The following KIAA0753 variants were observed in gnomAD, a reference collection of about 807,000 sequenced individuals.
The protein encoded by KIAA0753 is protein moonraker.
In KIAA0753, 114 loss-of-function variants were observed where a neutral mutation model predicts 116.9. The observed-to-expected ratio is 0.98, with a 90% CI of 0.84 to 1.14. The LOEUF is 1.14. Ranked by LOEUF, KIAA0753 falls within the 50% of genes most tolerant of loss-of-function variation. The pLI is 0.00. For synonymous variants in KIAA0753, 405 were observed against 413.1 expected (o/e 0.98, Z 0.24); for missense variants, 1,156 against 1,172.4 (o/e 0.99, Z 0.20).
intron 7 of KIAA0753, 22 bp from the exon 8 acceptor site, chr17:6,612,170 A>C (rs1244384003): frequency 3.9e-6 from 6 of 1,546,688 alleles, no homozygotes; most frequent in Non-Finnish European, 3.6e-6. Context: ...TTTTTGAAAA[A>C]CAAACTGAGG....
rs1356508056 is a variant in KIAA0753 at position 6,578,654 on chromosome 17, G to T, written c.*1093C>A. ...TAAAGAGTTCCCTTATTCCCTGGGG[G>T]CGTCTCAGGCATTCTTTCTGCATGT... On this transcript the variant is annotated 3_prime_UTR_variant, in exon 19 of 19. Transcript: ENST00000361413. 1 of 152,220 alleles carries T rather than the reference G, an allele frequency of 6.6e-6. No homozygotes were observed. The highest frequency in any genetic ancestry group is 6.5e-5 in the Admixed American group (1 of 15,284). The allele number at this position is 152,220 out of a possible 1,614,324, so 9.4% of individuals were successfully genotyped here. A position where few individuals can be genotyped will look rare whatever the true frequency, so the allele number is the denominator to read the frequency against.
At chr17:6,626,543 G>A (rs1271735071) in intron 3 of KIAA0753, among the ~76,000 whole-genome samples, 1 of 152,032 alleles carries the variant, frequency 6.6e-6, no homozygotes, top group African/African-American at 2.4e-5. Flanking sequence ...TGGGGGGTTT[G>A]AAGGCTCACT....
In KIAA0753 at chr17:6,622,881, C is replaced by A; in HGVS notation, c.1104+1G>T. 1.2e-6 allele frequency: 2 copies of A among 1,609,508 alleles called. No individual in the cohort carries two copies. Among genetic ancestry groups the A allele is most frequent in the Non-Finnish European group, 1.7e-6 (2 of 1,175,968 alleles). ...AACAAAAATTGGAATTAATTCCATA[C>A]CTCAATTTGTTGCAGAATATCTATA... On this transcript the variant is annotated splice_donor_variant, in intron 6 of 18. Coordinates refer to ENST00000361413, the MANE Select transcript of KIAA0753 (RefSeq NM_014804.3). LOFTEE classifies it high-confidence loss of function.
At chr17:6,624,417 T>C (rs1400173795) in intron 4 of KIAA0753, among the ~76,000 whole-genome samples, 2 of 152,072 alleles carry the variant, frequency 1.3e-5, no homozygotes, top group African/African-American at 4.8e-5. Context: ...TGACTTCCCA[T>C]GCAAAAATAT....
At chr17:6,591,329 C>G (rs944180704) in intron 16 of KIAA0753, among the ~76,000 whole-genome samples, 3 of 152,186 alleles carry the variant, frequency 2.0e-5, no homozygotes, top group Admixed American at 6.5e-5. Context: ...TGTCAAGCGA[C>G]TTGGCTCACA....
chr17:6,614,842 A>T (rs1970774186), intron 7 of KIAA0753, among the ~76,000 whole-genome samples: 1 of 152,254 alleles, frequency 6.6e-6, no homozygotes, highest in South Asian at 2.1e-4. Context: ...TCTGTTGTCC[A>T]GCCTGGAGTG....
At chr17:6,591,046 A>AG (rs368460503) in intron 16 of KIAA0753, among the ~76,000 whole-genome samples, 9,706 of 46,820 alleles carry the variant, frequency 0.21, 789 homozygotes, top group East Asian at 0.42. Context: ...AGAAGGAAGA[A>AG]GAAGAAGAAG....
rs778629779 is a variant in KIAA0753 at position 6,589,916 on chromosome 17, T to C, written c.2649A>G (p.Lys883=). The C allele has an allele frequency of 6.2e-7, 1 of 1,613,210 alleles. No individual in the cohort carries two copies. Among genetic ancestry groups the C allele is most frequent in the Non-Finnish European group, 8.5e-7 (1 of 1,179,786 alleles). The change falls in exon 18 of 19, where the codon AAA becomes AAG. Residue 883 remains lysine (K), a synonymous_variant. Transcript: ENST00000361413. ...LLSLAEDSQQ[K]EGRAPLFVPP... ...GGACAAAGAGGGGAGCTCGGCCTTC[T>C]TTCTGTTGAGAATCTTCGGCTAGGG...
rs12453842 is a variant in KIAA0753, at chr17:6,618,013, A to T, written c.1315+2775T>A. On this transcript the variant is annotated intron_variant, in intron 7 of 18. Transcript: ENST00000361413. Reference sequence around the variant, plus strand: ...GCTACTCAGGAGGCTGAGGCAGGAGAATCACTTGAACCTGGGAGGCGGAGG... The same window carrying T: ...GCTACTCAGGAGGCTGAGGCAGGAGTATCACTTGAACCTGGGAGGCGGAGG... Among the ~76,000 whole-genome samples the T allele has an allele frequency of 7.2e-3, 1,091 of 152,246 alleles. 24 individuals are homozygous for T. Among genetic ancestry groups the T allele is most frequent in the Admixed American group, 0.036 (553 of 15,290 alleles).
chr17:6,581,216 C>T (rs9901861), intron 18 of KIAA0753, among the ~76,000 whole-genome samples: 49,777 of 151,770 alleles, frequency 0.33, 8,562 homozygotes, highest in Admixed American at 0.4. Context: ...ATCTAATAGT[C>T]CTTCAGTCTT....
chr17:6,608,992 A>G (rs932186011), intron 9 of KIAA0753, among the ~76,000 whole-genome samples: 6 of 152,254 alleles, frequency 3.9e-5, no homozygotes, highest in African/African-American at 1.4e-4. Context: ...AGAAAACAGA[A>G]TAGAGTAATA....
At chr17:6,586,094 A>G (rs1968556015) in intron 18 of KIAA0753, among the ~76,000 whole-genome samples, 1 of 151,938 alleles carries the variant, frequency 6.6e-6, no homozygotes, top group Admixed American at 6.6e-5. Flanking sequence ...TTCTCATGAG[A>G]TCTGGTCATT....
chr17:6,585,985 T>C (rs1240978416), intron 18 of KIAA0753, among the ~76,000 whole-genome samples: 2 of 152,190 alleles, frequency 1.3e-5, no homozygotes, highest in African/African-American at 4.8e-5. Flanking sequence ...CATGATGAAC[T>C]GTAATCCCCA....
At chr17:6,604,698 G>T (rs927219183) in intron 12 of KIAA0753, among the ~76,000 whole-genome samples, 1 of 151,870 alleles carries the variant, frequency 6.6e-6, no homozygotes, top group Non-Finnish European at 1.5e-5. Flanking sequence ...CTTGGGGGTG[G>T]GAAGGTTCTG....
At position 6,620,798 on chromosome 17, in the gene KIAA0753, C is replaced by T. The variant is rs372993343; in HGVS notation, c.1305G>A (p.Gln435=). 4.3e-5 allele frequency: 70 copies of T among 1,614,058 alleles called. 2 individuals carry two copies. In the South Asian group the frequency reaches 7.5e-4, roughly 17 times the overall value. Residue 435 remains glutamine (Q), a synonymous_variant, in exon 7 of 19, where the codon CAG becomes CAA. Transcript: ENST00000361413. ...QETSRPSVAK[Q]LLADKYQPDT... ...CTTTAAGACACATACCGGCAAGAAG[C>T]TGCTTTGCTACAGAAGGTCGACTTG...
chr17:6,626,742 T>C (rs1381339487), intron 3 of KIAA0753, among the ~76,000 whole-genome samples: 1 of 152,262 alleles, frequency 6.6e-6, no homozygotes, highest in African/African-American at 2.4e-5. Context: ...TTGCCGCTAC[T>C]GTGACATTTT....
chr17:6,610,512 TTC>T (rs1333807321), intron 8 of KIAA0753, among the ~76,000 whole-genome samples: 1 of 131,954 alleles, frequency 7.6e-6, no homozygotes, highest in South Asian at 2.6e-4. Flanking sequence ...TTTCTTTTCT[TTC>T]TCTTTTTTTT....
intron 18 of KIAA0753, among the ~76,000 whole-genome samples, chr17:6,580,663 A>C (rs1463681088): frequency 1.3e-5 from 2 of 152,150 alleles, no homozygotes; most frequent in Admixed American, 1.3e-4. Context: ...CTGCTCTCCT[A>C]GACAGAAGGA....
chr17:6,637,590 C>A (rs1052770251), intron 1 of KIAA0753: 2 of 152,930 alleles, frequency 1.3e-5, no homozygotes, highest in African/African-American at 4.8e-5. Context: ...CCCCCACAGA[C>A]CCCAGCAGCC....
Sources: allele counts gnomAD v4.1 joint callset (sites outside exome capture counted in the v4.1 genomes callset), GRCh38; gene constraint gnomAD v4.1.1; transcripts MANE v1.5; gene names NCBI Gene and HGNC (gene_info 2026-07-23, HGNC 2026-07-21).